Variants in BRD2 observed in about 807,000 individuals in gnomAD.
BRD2 encodes bromodomain-containing protein 2.
Under a neutral mutation model 79.1 loss-of-function variants are expected in BRD2, and 15 were observed. The ratio of observed to expected loss-of-function variants is 0.19; its 90% CI spans 0.13 to 0.29. The LOEUF (loss-of-function observed/expected upper bound fraction) is 0.29. BRD2 is among the 10% of genes least tolerant of loss of function. The pLI, the probability that BRD2 is intolerant of heterozygous loss-of-function variation, is 1.00. For missense variants in BRD2, 1,053 were observed against 991.3 expected (o/e 1.06, Z -0.84); for synonymous variants, 488 against 358.6 (o/e 1.36, Z -4.08).
At position 32,971,926 on chromosome 6, in the gene BRD2, G is replaced by T. The variant is rs1183717203; in HGVS notation, c.-973G>T. ...AGCCAATTGGCTTGGAGATGTGGCG[G>T]GTTGCCACTTCCCTGTGGGTCTCTG... On this transcript the variant is annotated 5_prime_UTR_variant, in exon 2 of 13. Coordinates refer to ENST00000374825, the MANE Select transcript of BRD2 (RefSeq NM_005104.4). The T allele has an allele frequency of 1.4e-6, 1 of 702,878 alleles. No homozygotes were observed. Among genetic ancestry groups the T allele is most frequent in the Non-Finnish European group, 2.6e-6 (1 of 384,932 alleles). The allele number at this position is 702,878 out of a possible 1,614,324, so 43.5% of individuals were successfully genotyped here.
In BRD2 at chr6:32,973,058, C is replaced by T. The variant is rs760440868; in HGVS notation, c.29+131C>T. 61 of 1,599,938 alleles carry T rather than the reference C, an allele frequency of 3.8e-5. No individual in the cohort carries two copies. In the African/African-American group the frequency reaches 7.1e-4, roughly 19 times the overall value. The stretch of plus-strand genomic sequence containing the variant: ...TGCGGCGCAGCTGTCGACTCGGTCG[C>T]GCGGAGGGAATTGAGCGACGGTTTT... On this transcript the variant is annotated intron_variant, in intron 2 of 12. Coordinates refer to ENST00000374825, the MANE Select transcript of BRD2 (RefSeq NM_005104.4).
intron 3 of BRD2, 75 bp from the exon 4 acceptor site, chr6:32,975,309 T>TGAGA (rs70996746): frequency 0.026 from 26,536 of 1,028,132 alleles, 359 homozygotes; most frequent in South Asian, 0.046. Context: ...TGTGTGTGTG[T>TGAGA]GAGAGTCGGG....
At position 32,980,778 on chromosome 6, in the gene BRD2, C is replaced by T. The variant is rs1779439453; in HGVS notation, c.*60C>T. On this transcript the variant is annotated 3_prime_UTR_variant, in exon 13 of 13. Transcript: ENST00000374825. ...GGACCGGACCCCTAGACCACCCTGC[C>T]CCACCTGCCCCTTCCCCCTTTGCTG... 2 of 1,582,772 alleles carry T rather than the reference C, an allele frequency of 1.3e-6. No individual in the cohort carries two copies. Among genetic ancestry groups the T allele is most frequent in the East Asian group, 2.2e-5 (1 of 44,686 alleles).
At chr6:32,979,711 A>AT (rs1452289859) in intron 10 of BRD2, 117 bp from the exon 11 acceptor site, 1 of 1,256,938 alleles carries the variant, frequency 8.0e-7, no homozygotes, top group Admixed American at 2.8e-5. Flanking sequence ...TGGCCATTGA[A>AT]TGGAAAAACA....
intron 1 of BRD2, chr6:32,971,306 T>C (rs1205293754): frequency 3.1e-6 from 1 of 319,476 alleles, no homozygotes; most frequent in Non-Finnish European, 5.7e-6. Context: ...TTGGTAACTG[T>C]AGGTGTGAGT....
rs1185016659 is a variant in BRD2, at chr6:32,972,101, G to A, written c.-798G>A. 2.9e-6 allele frequency: 2 copies of A among 693,844 alleles called. No homozygotes were observed. Among genetic ancestry groups the A allele is most frequent in the Non-Finnish European group, 5.3e-6 (2 of 380,292 alleles). 43.0% of individuals were successfully genotyped at this position (693,844 alleles called of 1,614,324 possible). A position where few individuals can be genotyped will look rare whatever the true frequency, so the allele number is the denominator to read the frequency against. On this transcript the variant is annotated 5_prime_UTR_variant, in exon 2 of 13. Transcript: ENST00000374825. ...CCGCGTGAGCGAGCGCGCGCGCGCG[G>A]AGGGGGTGGGGAAAAGCTCAAGCAG... is the stretch of plus-strand genomic sequence containing the variant.
chr6:32,970,295 G>A (rs368053575), intron 1 of BRD2: 1 of 152,340 alleles, frequency 6.6e-6, no homozygotes, highest in African/African-American at 2.4e-5. Context: ...GTACTTTTGG[G>A]GGCCAGGGCC....
chr6:32,978,201 A>G lies in BRD2; in HGVS notation c.1654A>G (p.Lys552Glu). 2 of 1,612,984 alleles carry G rather than the reference A, an allele frequency of 1.2e-6. No homozygotes were observed. Among genetic ancestry groups the G allele is most frequent in the Admixed American group, 1.7e-5 (1 of 60,020 alleles). ...ISKPKRKREK[K>E]EKKKKRKAEK... ...CAAGCCCAAGAGGAAAAGAGAGAAA[A>G]AAGAGAAAAAGAAGAAACGGAAGGC... The change falls in exon 10 of 13, where the codon AAA becomes GAA. Residue 552 changes from lysine (K) to glutamate (E), a missense_variant. Physicochemically the swap from Lys to Glu is moderately conservative, Grantham distance 56. Coordinates refer to ENST00000374825, the MANE Select transcript of BRD2 (RefSeq NM_005104.4).
At chr6:32,973,109 T>C (rs1382615250) in intron 2 of BRD2, 182 bp downstream of exon 2, 1 of 1,557,576 alleles carries the variant, frequency 6.4e-7, no homozygotes, top group Non-Finnish European at 8.7e-7. Context: ...GCTCGGCTAC[T>C]GCTCGTGGAG....
At position 32,976,839 on chromosome 6, in the gene BRD2, A is replaced by C; in HGVS notation, c.1103A>C (p.Tyr368Ser). 6.2e-7 allele frequency: 1 copy of C among 1,613,208 alleles called. No homozygotes were observed. The change falls in exon 7 of 13, where the codon TAT becomes TCT. Residue 368 changes from tyrosine to serine, a missense_variant. This residue lies in a region of BRD2 where 454 missense variants were observed against 430.5 expected (regional missense o/e 1.05). Coordinates refer to ENST00000374825, the MANE Select transcript of BRD2 (RefSeq NM_005104.4). ...TTACTCTCTAAGAAGCATGCTGCCTATGCTTGGCCTTTCTATAAACCAGTG... is the reference window on the plus strand; with the variant it reads ...TTACTCTCTAAGAAGCATGCTGCCTCTGCTTGGCCTTTCTATAAACCAGTG... ...KELLSKKHAA[Y>S]AWPFYKPVDA...
chr6:32,975,170 G>T, intron 3 of BRD2: 1 of 1,400,370 alleles, frequency 7.1e-7, no homozygotes, highest in South Asian at 1.2e-5. Context: ...GTTAGAGAAA[G>T]GCAGCAGGGG....
chr6:32,969,254 C>A (rs115460679), intron 1 of BRD2, 198 bp downstream of exon 1: 8 of 646,964 alleles, frequency 1.2e-5, no homozygotes, highest in African/African-American at 1.1e-4. Context: ...GAATGGCCAG[C>A]CTCATGCCTC....
chr6:32,978,238 G>A lies in BRD2; in HGVS notation c.1691G>A (p.Arg564Gln), dbSNP rs769495208. 1.5e-5 allele frequency: 24 copies of A among 1,612,920 alleles called. No individual in the cohort carries two copies. Among genetic ancestry groups the A allele is most frequent in the Admixed American group, 1.0e-4 (6 of 60,008 alleles). Residue 564 changes from arginine (R) to glutamine (Q), a missense_variant, in exon 10 of 13, where the codon CGA (arginine) becomes CAA (glutamine). Physicochemically the swap from Arg to Gln is conservative, Grantham distance 43. Coordinates refer to ENST00000374825, the MANE Select transcript of BRD2 (RefSeq NM_005104.4). ...KKKKRKAEKH[R>Q]GRAGADEDDK... is the part of the protein sequence containing the mutation. ...AAGAAACGGAAGGCAGAGAAGCATCGAGGCCGAGCTGGGGCCGATGAAGAT... is the reference window on the plus strand; with the variant it reads ...AAGAAACGGAAGGCAGAGAAGCATCAAGGCCGAGCTGGGGCCGATGAAGAT...
At chr6:32,971,332 A>G (rs1338715237) in intron 1 of BRD2, 14 of 359,120 alleles carry the variant, frequency 3.9e-5, no homozygotes, top group Admixed American at 9.4e-5. Flanking sequence ...GGGATTAGAA[A>G]GGTGCTTGGA....
In BRD2 at chr6:32,976,927, C is replaced by T. The variant is rs192648574; in HGVS notation, c.1191C>T (p.Ser397=). ...HDIIKHPMDL[S]TVKRKMENRD... ...TCATTAAGCACCCCATGGACCTCAG[C>T]ACTGTCAAGGTACCCACTGCATGGG... The change falls in exon 7 of 13, where the codon AGC becomes AGT. Residue 397 remains serine, a synonymous_variant. Transcript: ENST00000374825. 322 of 1,609,750 alleles carry T rather than the reference C, an allele frequency of 2.0e-4. 3 individuals carry two copies. In the African/African-American group the frequency reaches 4.0e-3, roughly 20 times the overall value.
chr6:32,976,069 A>G lies in BRD2; in HGVS notation c.510A>G (p.Glu170=). The G allele has an allele frequency of 6.2e-7, 1 of 1,612,628 alleles. No individual in the cohort carries two copies. The highest frequency in any genetic ancestry group is 8.5e-7 in the Non-Finnish European group (1 of 1,179,894). ...DDIVLMAQTL[E]KIFLQKVASM... The stretch of plus-strand genomic sequence containing the variant: ...TTGTCCTAATGGCACAAACGCTGGA[A>G]AAGATATTCCTACAGAAGGTTGCAT... Residue 170 remains glutamate (E), a synonymous_variant, in exon 5 of 13, where the codon GAA becomes GAG. Coordinates refer to ENST00000374825, the MANE Select transcript of BRD2 (RefSeq NM_005104.4).
chr6:32,978,345 T>C lies in BRD2; in HGVS notation c.1798T>C (p.Leu600=). Residue 600 remains leucine (L), a synonymous_variant, in exon 10 of 13, where the codon TTA becomes CTA. Transcript: ENST00000374825. The stretch of plus-strand genomic sequence containing the variant: ...TGGCAGTGGGGGTGGCAGTGCTGCT[T>C]TAGGCCCTTCTGGCTTTGGACCTTC... ...ASGSGGGSAA[L]GPSGFGPSGG... The C allele has an allele frequency of 6.2e-7, 1 of 1,613,002 alleles. No homozygotes were observed. Among genetic ancestry groups the C allele is most frequent in the Non-Finnish European group, 8.5e-7 (1 of 1,180,014 alleles).
rs1255464557 is a variant in BRD2, at chr6:32,974,724, C to T, written c.292C>T (p.Pro98Ser). The change falls in exon 3 of 13, where the codon CCA becomes TCA. Residue 98 changes from proline to serine, a missense_variant. By Grantham distance (74) the Pro-to-Ser change is moderately conservative. Transcript: ENST00000374825. ...KALWKHQFAWPFRQPVDAVKL... is the reference protein window; with the variant it reads ...KALWKHQFAWSFRQPVDAVKL... ...TCTGTGGAAACATCAGTTCGCATGG[C>T]CATTCCGGCAGCCTGTGGATGCTGT... The T allele has an allele frequency of 1.2e-6, 2 of 1,614,110 alleles. No homozygotes were observed. The highest frequency in any genetic ancestry group is 1.7e-6 in the Non-Finnish European group (2 of 1,179,992).
chr6:32,974,766 G>A lies in BRD2; in HGVS notation c.333+1G>A. 1 of 1,612,992 alleles carries A rather than the reference G, an allele frequency of 6.2e-7. No homozygotes were observed. Among genetic ancestry groups the A allele is most frequent in the Non-Finnish European group, 8.5e-7 (1 of 1,179,256 alleles). Reference sequence around the variant, plus strand: ...GGATGCTGTCAAACTGGGTCTACCGGTGAGTAGAGACATTGGAGCCGGGGA... The same window carrying A: ...GGATGCTGTCAAACTGGGTCTACCGATGAGTAGAGACATTGGAGCCGGGGA... On this transcript the variant is annotated splice_donor_variant, in intron 3 of 12. Coordinates refer to ENST00000374825, the MANE Select transcript of BRD2 (RefSeq NM_005104.4). LOFTEE classifies it high-confidence loss of function.
Sources: allele counts gnomAD v4.1 joint callset, GRCh38; gene constraint gnomAD v4.1.1; regional missense constraint gnomAD v4.1.1; transcripts MANE v1.5; gene names NCBI Gene and HGNC (gene_info 2026-07-23, HGNC 2026-07-21).